Variants in A2M observed in about 807,000 individuals in gnomAD.
The protein encoded by A2M is C3 and PZP-like alpha-2-macroglobulin domain-containing protein 5.
A2M carries 128 observed loss-of-function variants against 183.9 expected under a neutral mutation model. That is an observed-to-expected ratio of 0.70 (90% CI 0.60 to 0.81). The LOEUF (loss-of-function observed/expected upper bound fraction) is 0.81. A2M is among the 30% of genes least tolerant of loss of function. The pLI is 0.00. For synonymous variants in A2M, 592 were observed against 670.8 expected (o/e 0.88, Z 1.81); for missense variants, 1,495 against 1,787.6 (o/e 0.84, Z 2.95).
At position 9,072,685 on chromosome 12, in the gene A2M, T is replaced by G; in HGVS notation, c.3943A>C (p.Lys1315Gln). The change falls in exon 30 of 36, where the codon AAA (lysine) becomes CAA (glutamine). Residue 1315 changes from lysine to glutamine, a missense_variant. Coordinates refer to ENST00000318602, the MANE Select transcript of A2M (RefSeq NM_000014.6). ...TAGACACATCCTTCTCCTGTCACTT[T>G]CATGCTGTATTCCCCAGGCAGCTCT... is the stretch of plus-strand genomic sequence containing the variant. ...LPELPGEYSMKVTGEGCVYLQ... is the reference protein window; with the variant it reads ...LPELPGEYSMQVTGEGCVYLQ... The G allele has an allele frequency of 6.2e-7, 1 of 1,614,186 alleles. No homozygotes were observed. The highest frequency in any genetic ancestry group is 1.3e-5 in the African/African-American group (1 of 75,032).
intron 22 of A2M, among the ~76,000 whole-genome samples, chr12:9,081,712 G>C (rs889773483): frequency 6.6e-6 from 1 of 152,166 alleles, no homozygotes; most frequent in Non-Finnish European, 1.5e-5. Context: ...TTCTACAGCG[G>C]GGAAGAGAAC....
At chr12:9,082,268 T>C (rs1305265788) in intron 22 of A2M, among the ~76,000 whole-genome samples, 1 of 152,208 alleles carries the variant, frequency 6.6e-6, no homozygotes, top group Non-Finnish European at 1.5e-5. Flanking sequence ...ACAGCCCGGA[T>C]TGTGACCCTG....
intron 15 of A2M, among the ~76,000 whole-genome samples, chr12:9,096,237 C>T (rs775346742): frequency 9.1e-4 from 138 of 152,276 alleles, no homozygotes; most frequent in African/African-American, 3.2e-3. Flanking sequence ...CATCTAAGTA[C>T]TCATCTAAGT....
At chr12:9,086,334 C>G (rs1349821187) in intron 22 of A2M, among the ~76,000 whole-genome samples, 1 of 152,120 alleles carries the variant, frequency 6.6e-6, no homozygotes, top group African/African-American at 2.4e-5. Context: ...TCAAGTCCAG[C>G]CTGGGGAACA....
At chr12:9,080,729 GAAAAT>G (rs1419078667) in intron 22 of A2M, among the ~76,000 whole-genome samples, 1 of 152,072 alleles carries the variant, frequency 6.6e-6, no homozygotes, top group Non-Finnish European at 1.5e-5. Context: ...TTGATGCATT[GAAAAT>G]AAAATAATTA....
intron 1 of A2M, chr12:9,115,556 G>T: frequency 2.0e-6 from 1 of 502,188 alleles, no homozygotes; most frequent in Non-Finnish European, 3.6e-6. Flanking sequence ...CCTTAGGAAG[G>T]CTTTGCATAT....
rs781226760 is a variant in A2M, at chr12:9,077,371, A to C, written c.3326T>G (p.Leu1109Arg). ...VTLSAYITIA[L>R]LEIPLTVTHP... The stretch of plus-strand genomic sequence containing the variant: ...AGTGACTGTGAGAGGAATCTCCAGA[A>C]GGGCGATGGTGATATAGGCGGAGAG... Residue 1109 changes from leucine (L) to arginine (R), a missense_variant, in exon 27 of 36, where the codon CTT becomes CGT. By Grantham distance (102) the Leu-to-Arg change is moderately radical. Coordinates refer to ENST00000318602, the MANE Select transcript of A2M (RefSeq NM_000014.6). The C allele has an allele frequency of 6.2e-7, 1 of 1,613,678 alleles. No homozygotes were observed. The highest frequency in any genetic ancestry group is 8.5e-7 in the Non-Finnish European group (1 of 1,179,836).
intron 14 of A2M, 136 bp from the exon 15 acceptor site, chr12:9,098,892 A>G (rs1030716560): frequency 3.1e-5 from 28 of 892,452 alleles, no homozygotes; most frequent in South Asian, 1.2e-4. Context: ...CATTGTGTCA[A>G]TCCTGAAGCT....
At position 9,069,772 on chromosome 12, in the gene A2M, G is replaced by A; in HGVS notation, c.4236C>T (p.Ser1412=). ...TATCAAGGTAAATCAAGACATGGTT[G>A]CTGCTGACTTCTGTCCGGCTCACAT... ...SNHVSRTEVS[S]NHVLIYLDKV... The change falls in exon 33 of 36, where the codon AGC becomes AGT. Residue 1412 remains serine (S), a synonymous_variant. Transcript: ENST00000318602. 2 of 1,612,942 alleles carry A rather than the reference G, an allele frequency of 1.2e-6. No homozygotes were observed. Among genetic ancestry groups the A allele is most frequent in the Non-Finnish European group, 1.7e-6 (2 of 1,179,348 alleles).
At chr12:9,083,914 A>T (rs1948980954) in intron 22 of A2M, among the ~76,000 whole-genome samples, 1 of 152,184 alleles carries the variant, frequency 6.6e-6, no homozygotes, top group Non-Finnish European at 1.5e-5. Flanking sequence ...ACAAAAAAAA[A>T]TTCTGAAAAG....
rs748158564 is a variant in A2M, at chr12:9,089,915, G to A, written c.2705C>T (p.Pro902Leu). ...AGGTTTACTTACTTCAACCAACAGAGGCTTGATGACTGTGTCTTTCCTTCC... is the reference window on the plus strand; with the variant it reads ...AGGTTTACTTACTTCAACCAACAGAAGCTTGATGACTGTGTCTTTCCTTCC... ...EHGRKDTVIK[P>L]LLVEPEGLEK... is the part of the protein sequence containing the mutation. The change falls in exon 21 of 36, where the codon CCT (proline) becomes CTT (leucine). Residue 902 changes from proline to leucine, a missense_variant. Transcript: ENST00000318602. 1.2e-6 allele frequency: 2 copies of A among 1,611,258 alleles called. No homozygotes were observed. The highest frequency in any genetic ancestry group is 2.2e-5 in the South Asian group (2 of 90,658).
chr12:9,078,395 A>G (rs959672497), intron 25 of A2M, among the ~76,000 whole-genome samples: 1 of 152,234 alleles, frequency 6.6e-6, no homozygotes, highest in Non-Finnish European at 1.5e-5. Flanking sequence ...GCTGCATAGT[A>G]TTCCATGATG....
chr12:9,094,890 A>T, intron 17 of A2M, 83 bp downstream of exon 17: 1 of 683,754 alleles, frequency 1.5e-6, no homozygotes, highest in East Asian at 3.1e-5. Context: ...TTGTTTGTTA[A>T]TTTTTGTCAC....
Position 9,115,881 on chromosome 12 carries a change from A to T in A2M, c.-32T>A. 6.5e-7 allele frequency: 1 copy of T among 1,543,118 alleles called. No individual in the cohort carries two copies. Among genetic ancestry groups the T allele is most frequent in the Non-Finnish European group, 9.0e-7 (1 of 1,116,056 alleles). The stretch of plus-strand genomic sequence containing the variant: ...GAAAGAAGGAGCTGGAGGAGAACAG[A>T]CTGTATTGTACCCTACTCCCTACAA... On this transcript the variant is annotated 5_prime_UTR_variant, in exon 1 of 36. Coordinates refer to ENST00000318602, the MANE Select transcript of A2M (RefSeq NM_000014.6).
At position 9,104,271 on chromosome 12, in the gene A2M, T is replaced by C. The variant is rs750259914; in HGVS notation, c.1234A>G (p.Thr412Ala). The change falls in exon 11 of 36, where the codon ACC becomes GCC. Residue 412 changes from threonine to alanine, a missense_variant. Physicochemically the swap from Thr to Ala is moderately conservative, Grantham distance 58. Transcript: ENST00000318602. ...HGLVQFSINT[T>A]NVMGTSLTVR... ...GTAAGAGAGGTACCCATAACATTGGTGGTGTTGATAGAGAACTGTACAAGG... is the reference window on the plus strand; with the variant it reads ...GTAAGAGAGGTACCCATAACATTGGCGGTGTTGATAGAGAACTGTACAAGG... 10 of 1,612,904 alleles carry C rather than the reference T, an allele frequency of 6.2e-6. No individual in the cohort carries two copies. Among genetic ancestry groups the C allele is most frequent in the Non-Finnish European group, 6.8e-6 (8 of 1,179,436 alleles).
chr12:9,093,819 G>C (rs74060548), intron 17 of A2M, among the ~76,000 whole-genome samples: 1,963 of 152,084 alleles, frequency 0.013, 81 homozygotes, highest in African/African-American at 0.043. Flanking sequence ...CCAGCACTTT[G>C]AGAGGCCGAG....
At chr12:9,068,684 C>T (rs1017680609) in intron 34 of A2M, 56 bp downstream of exon 34, 1 of 1,377,372 alleles carries the variant, frequency 7.3e-7, no homozygotes, top group Non-Finnish European at 1.0e-6. Flanking sequence ...TCTCCTAAAC[C>T]TGAATTTCTG....
chr12:9,090,218 A>G, intron 20 of A2M, 138 bp downstream of exon 20: 1 of 1,412,956 alleles, frequency 7.1e-7, no homozygotes, highest in Non-Finnish European at 9.9e-7. Context: ...CCTTGTAGGC[A>G]TCTTAGAATA....
At chr12:9,095,833 C>T (rs1286585959) in intron 15 of A2M, 133 bp from the exon 16 acceptor site, 6 of 679,548 alleles carry the variant, frequency 8.8e-6, no homozygotes, top group Non-Finnish European at 1.1e-5. Context: ...AATCTCGGCT[C>T]ACTGCAAGCT....
Sources: gnomAD v4.1 joint callset for allele counts (sites outside exome capture counted in the v4.1 genomes callset) on GRCh38, gnomAD v4.1.1 for gene constraint, MANE v1.5 for transcripts, NCBI Gene and HGNC (gene_info 2026-07-23, HGNC 2026-07-21) for gene names.